NHERF2: variants seen among roughly 807,000 people sequenced by gnomAD.
The protein encoded by NHERF2 is Na(+)/H(+) exchange regulatory cofactor NHE-RF2.
the NHERF2 span, chr16:2,037,006 G>A: frequency 5.2e-6 from 8 of 1,549,568 alleles, no homozygotes; most frequent in Non-Finnish European, 6.1e-6. Flanking sequence ...CAGGTAAGAG[G>A]GTGGGGTGCC....
At chr16:2,027,005 C>T in the NHERF2 span, 6 of 1,149,550 alleles carry the variant, frequency 5.2e-6, no homozygotes, top group Non-Finnish European at 6.4e-6. Flanking sequence ...CAGCGGGCGC[C>T]ATGGCCGCGC....
the NHERF2 span, chr16:2,029,447 C>A: frequency 1.3e-6 from 1 of 789,446 alleles, no homozygotes; most frequent in Non-Finnish European, 2.1e-6. Flanking sequence ...GGCCGGCAGG[C>A]CTCTTGGTGC....
the NHERF2 span, among the ~76,000 whole-genome samples, chr16:2,030,618 CTTT>C: frequency 7.6e-6 from 1 of 132,208 alleles, no homozygotes; most frequent in African/African-American, 3.0e-5. Context: ...TCTCTCCTAC[CTTT>C]TTTTTTTTTT....
At chr16:2,028,859 A>G in the NHERF2 span, among the ~76,000 whole-genome samples, 4 of 152,018 alleles carry the variant, frequency 2.6e-5, no homozygotes, top group Non-Finnish European at 5.9e-5. Flanking sequence ...CTTCACAGGC[A>G]CCTGCACGCA....
chr16:2,035,761 C>T, the NHERF2 span: 1 of 834,936 alleles, frequency 1.2e-6, no homozygotes, highest in Non-Finnish European at 1.4e-6. Context: ...CCTCTGTGCC[C>T]TGTCCACACT....
chr16:2,029,626 G>A, the NHERF2 span: 42 of 1,579,426 alleles, frequency 2.7e-5, no homozygotes, highest in East Asian at 9.3e-4. Flanking sequence ...CTCGGCTGCT[G>A]GTGGTGGACC....
At chr16:2,027,011 C>T in the NHERF2 span, 1 of 1,165,768 alleles carries the variant, frequency 8.6e-7, no homozygotes, top group Non-Finnish European at 1.1e-6. Flanking sequence ...GCGCCATGGC[C>T]GCGCCGGAGC....
the NHERF2 span, chr16:2,035,788 C>A: frequency 2.9e-6 from 2 of 695,062 alleles, no homozygotes; most frequent in Non-Finnish European, 3.5e-6. Context: ...CTGCCCCAGC[C>A]CCTGCTTGCT....
chr16:2,038,637 A>G, the NHERF2 span: 1 of 275,866 alleles, frequency 3.6e-6, no homozygotes, highest in Non-Finnish European at 6.9e-6. Context: ...GCCCCTGCCC[A>G]CCTGCCCTGG....
chr16:2,030,944 A>AG, the NHERF2 span, among the ~76,000 whole-genome samples: 1 of 152,212 alleles, frequency 6.6e-6, no homozygotes, highest in East Asian at 1.9e-4. Flanking sequence ...GTCTCAAAAA[A>AG]AAACAAAAAA....
At chr16:2,037,956 G>C in the NHERF2 span, 4 of 1,613,470 alleles carry the variant, frequency 2.5e-6, no homozygotes, top group African/African-American at 5.3e-5. Flanking sequence ...GACTGGAACA[G>C]GAAGCGTGAA....
At chr16:2,037,986 C>T in the NHERF2 span, 1 of 1,613,422 alleles carries the variant, frequency 6.2e-7, no homozygotes, top group Non-Finnish European at 8.5e-7. Flanking sequence ...AACTTCTGAG[C>T]CCCTTCCTGC....
chr16:2,034,057 G>A, the NHERF2 span, among the ~76,000 whole-genome samples: 1 of 152,170 alleles, frequency 6.6e-6, no homozygotes, highest in African/African-American at 2.4e-5. Context: ...CCTGGCCTCA[G>A]GGCCCCAGAC....
the NHERF2 span, chr16:2,036,212 C>T: frequency 6.2e-6 from 7 of 1,135,792 alleles, 1 homozygote; most frequent in Non-Finnish European, 8.6e-6. Context: ...AGACCTGGGC[C>T]TGCCCGTGGG....
the NHERF2 span, chr16:2,037,788 G>A: frequency 7.1e-6 from 11 of 1,557,756 alleles, no homozygotes; most frequent in East Asian, 2.4e-5. Flanking sequence ...TGGGACTAGG[G>A]CTCACTCCAG....
chr16:2,036,089 A>G, the NHERF2 span: 4 of 503,890 alleles, frequency 7.9e-6, no homozygotes, highest in South Asian at 3.3e-5. Flanking sequence ...GCAACCCGGG[A>G]AGGCGGCTGG....
At chr16:2,033,793 C>T in the NHERF2 span, among the ~76,000 whole-genome samples, 19 of 152,268 alleles carry the variant, frequency 1.2e-4, no homozygotes, top group African/African-American at 4.3e-4. Flanking sequence ...GAACGCCGCC[C>T]GAGCTCCTCG....
At chr16:2,036,400 A>T in the NHERF2 span, 1 of 1,610,124 alleles carries the variant, frequency 6.2e-7, no homozygotes, top group Non-Finnish European at 8.5e-7. Flanking sequence ...TATGGGTTCA[A>T]CCTGCATAGT....
chr16:2,032,939 CGG>C, the NHERF2 span: 4 of 1,085,902 alleles, frequency 3.7e-6, no homozygotes, highest in Non-Finnish European at 4.5e-6. The surrounding 1 kb of genome is among the most constrained non-coding windows in gnomAD (Gnocchi z 4.0). Context: ...GACAGTTCTG[CGG>C]GAGGCGGCTG....
Sources: gnomAD v4.1 joint callset for allele counts (sites outside exome capture counted in the v4.1 genomes callset) on GRCh38, gnomAD v4.1.1 for gene constraint, Gnocchi (gnomAD v3.1) non-coding constraint, MANE v1.5 for transcripts, NCBI Gene and HGNC (gene_info 2026-07-23, HGNC 2026-07-21) for gene names.